TCF4: variants seen among roughly 807,000 people sequenced by gnomAD.
TCF4 encodes transcription factor 4, also known as SL3-3 enhancer factor 2.
Under a neutral mutation model 82.1 loss-of-function variants are expected in TCF4, and 3 were observed. That is an observed-to-expected ratio of 0.04 (90% CI 0.02 to 0.09). The LOEUF is 0.09. TCF4 is among the 10% of genes least tolerant of loss of function. TCF4 has a pLI of 1.00. For synonymous variants in TCF4, 276 were observed against 309.6 expected (o/e 0.89, Z 1.14); for missense variants, 518 against 852.7 (o/e 0.61, Z 4.89).
intron 9 of TCF4, among the ~76,000 whole-genome samples, chr18:55,278,558 G>C (rs202245330): frequency 7.4e-5 from 6 of 81,140 alleles, no homozygotes; most frequent in Non-Finnish European, 1.8e-4. Context: ...TTATTTATTT[G>C]TTTGTTTATT....
chr18:55,478,831 C>CAACA (rs1330635694), intron 3 of TCF4, among the ~76,000 whole-genome samples: 1 of 151,324 alleles, frequency 6.6e-6, no homozygotes, highest in Non-Finnish European at 1.5e-5. Flanking sequence ...ATTTAAACTG[C>CAACA]AACAAACAGT....
chr18:55,354,286 TC>T (rs1276504150), intron 6 of TCF4, among the ~76,000 whole-genome samples: 1 of 152,168 alleles, frequency 6.6e-6, no homozygotes, highest in Non-Finnish European at 1.5e-5. Context: ...GCCATTCAAA[TC>T]CCCAAATACA....
At chr18:55,312,225 T>C (rs1439662547) in intron 8 of TCF4, among the ~76,000 whole-genome samples, 2 of 152,184 alleles carry the variant, frequency 1.3e-5, no homozygotes, top group Non-Finnish European at 2.9e-5. Flanking sequence ...TATTGAGAGA[T>C]GCAAGATTCT....
At position 55,314,034 on chromosome 18, in the gene TCF4, C is replaced by A. The variant is rs180950216; in HGVS notation, c.550-34378G>T. ...AAAAAAGTTGACACCAATCCCCACC[C>A]CATTTGGCTTAGGGAAGCTTAGTGC... On this transcript the variant is annotated intron_variant, in intron 8 of 19. Transcript: ENST00000354452. Among the ~76,000 whole-genome samples, 27 of 152,218 alleles carry A rather than the reference C, an allele frequency of 1.8e-4. 1 individual carries two copies. The East Asian group carries it at 5.2e-3, about 29-fold the overall frequency.
chr18:55,614,700 CTG>C (rs1267431759), intron 2 of TCF4, among the ~76,000 whole-genome samples: 1 of 152,136 alleles, frequency 6.6e-6, no homozygotes, highest in Non-Finnish European at 1.5e-5. Context: ...TTCTAGCAGT[CTG>C]TGACTTATCT....
chr18:55,409,031 AAT>A (rs1313515390), intron 5 of TCF4, among the ~76,000 whole-genome samples: 1 of 152,220 alleles, frequency 6.6e-6, no homozygotes, highest in Non-Finnish European at 1.5e-5. Context: ...GACATCTTAC[AAT>A]AAACTGCCAC....
intron 2 of TCF4, among the ~76,000 whole-genome samples, chr18:55,602,499 C>T (rs1397349871): frequency 1.3e-5 from 2 of 152,182 alleles, no homozygotes; most frequent in African/African-American, 4.8e-5. Context: ...AAAATAACTG[C>T]TATAGTAGCT....
chr18:55,412,347 C>T (rs929671609), intron 5 of TCF4, among the ~76,000 whole-genome samples: 25 of 144,526 alleles, frequency 1.7e-4, no homozygotes, highest in African/African-American at 6.7e-4. Context: ...ATAATGAAGG[C>T]TGTTTTTTTT....
intron 5 of TCF4, among the ~76,000 whole-genome samples, chr18:55,435,442 G>A (rs556509702): frequency 6.6e-6 from 1 of 152,286 alleles, no homozygotes; most frequent in South Asian, 2.1e-4. Context: ...TTTACTGTTT[G>A]TCTCTTCCCC....
chr18:55,263,533 G>A (rs1054496038), intron 11 of TCF4, among the ~76,000 whole-genome samples: 5 of 152,004 alleles, frequency 3.3e-5, no homozygotes, highest in African/African-American at 9.7e-5. Context: ...CCTGGGAGGC[G>A]GAGGTTGCAG....
At chr18:55,500,736 A>T (rs1259742246) in intron 3 of TCF4, among the ~76,000 whole-genome samples, 2 of 152,192 alleles carry the variant, frequency 1.3e-5, no homozygotes, top group Non-Finnish European at 2.9e-5. Context: ...ATATATTGGC[A>T]TTTGGGACCC....
chr18:55,617,850 T>TGTGTGTG (rs59161210), intron 2 of TCF4, among the ~76,000 whole-genome samples: 3 of 149,074 alleles, frequency 2.0e-5, no homozygotes, highest in South Asian at 2.1e-4. Flanking sequence ...TGTGTGTGTG[T>TGTGTGTG]AGTCTTTAGA....
intron 3 of TCF4, among the ~76,000 whole-genome samples, chr18:55,543,945 C>G (rs1285784087): frequency 6.6e-6 from 1 of 151,596 alleles, no homozygotes; most frequent in African/African-American, 2.4e-5. Flanking sequence ...TTTTTCCTTT[C>G]CCATAATGTT....
intron 5 of TCF4, among the ~76,000 whole-genome samples, chr18:55,419,295 C>T (rs1244605645): frequency 6.6e-6 from 1 of 152,130 alleles, no homozygotes; most frequent in Non-Finnish European, 1.5e-5. Flanking sequence ...TGGACTCCAA[C>T]AGAAGGAATG....
chr18:55,389,568 G>C (rs1250177680), intron 6 of TCF4, among the ~76,000 whole-genome samples: 3 of 152,150 alleles, frequency 2.0e-5, no homozygotes, highest in Non-Finnish European at 4.4e-5. Context: ...AGGTATTTCA[G>C]GTTCTTATAA....
At chr18:55,464,848 G>C (rs1273486181) in intron 3 of TCF4, among the ~76,000 whole-genome samples, 4 of 152,070 alleles carry the variant, frequency 2.6e-5, no homozygotes, top group Non-Finnish European at 5.9e-5. Context: ...ACAGTGAAAA[G>C]ACCTACATGA....
At chr18:55,466,061 A>G (rs2096010695) in intron 3 of TCF4, among the ~76,000 whole-genome samples, 1 of 152,220 alleles carries the variant, frequency 6.6e-6, no homozygotes, top group Admixed American at 6.5e-5. Flanking sequence ...GGGCTTTTGC[A>G]TCCCAAAGGA....
At chr18:55,565,319 AT>A (rs1250385902) in intron 3 of TCF4, among the ~76,000 whole-genome samples, 1 of 152,032 alleles carries the variant, frequency 6.6e-6, no homozygotes, top group Non-Finnish European at 1.5e-5. Context: ...AAAAAAAAAA[AT>A]TCTCCAAAAG....
intron 2 of TCF4, among the ~76,000 whole-genome samples, chr18:55,630,658 A>G (rs903225398): frequency 6.6e-6 from 1 of 152,268 alleles, no homozygotes; most frequent in African/African-American, 2.4e-5. Context: ...GGAGCATAGC[A>G]TGCTATGCCT....
Sources: gnomAD v4.1 joint callset for allele counts (sites outside exome capture counted in the v4.1 genomes callset) on GRCh38, gnomAD v4.1.1 for gene constraint, MANE v1.5 for transcripts, NCBI Gene and HGNC (gene_info 2026-07-23, HGNC 2026-07-21) for gene names.